Variants in COL22A1 observed in about 807,000 individuals in gnomAD.
COL22A1 encodes the protein collagen type XXII alpha 1 chain.
In COL22A1, 221 loss-of-function variants were observed where a neutral mutation model predicts 248.9. The ratio of observed to expected loss-of-function variants is 0.89; its 90% CI spans 0.80 to 0.99. COL22A1 has a LOEUF of 0.99. Among genes scored for constraint, COL22A1 ranks in the 50% least tolerant of loss-of-function variants. The pLI is 0.00. For missense variants in COL22A1, 2,240 were observed against 2,179.0 expected, an observed-to-expected ratio of 1.03 and a Z score of -0.56; for synonymous variants, 891 against 793.4, an observed-to-expected ratio of 1.12 and a Z score of -2.07.
At chr8:138,600,313 G>A (rs1166528385) in intron 60 of COL22A1, among the ~76,000 whole-genome samples, 1 of 152,186 alleles carries the variant, frequency 6.6e-6, no homozygotes, top group African/African-American at 2.4e-5. Context: ...GGGAGAAAAA[G>A]AAGAGACACC....
chr8:138,625,809 T>C (rs1329719877), intron 51 of COL22A1, among the ~76,000 whole-genome samples: 2 of 152,192 alleles, frequency 1.3e-5, no homozygotes, highest in East Asian at 3.8e-4. Flanking sequence ...ATATGGGAAA[T>C]GGAAAATGTT....
intron 12 of COL22A1, among the ~76,000 whole-genome samples, chr8:138,796,132 G>T (rs1419355569): frequency 6.6e-6 from 1 of 151,916 alleles, no homozygotes; most frequent in Admixed American, 6.6e-5. Context: ...CATTTTTAGT[G>T]GCTCTCTGCT....
At chr8:138,871,048 G>C (rs1411745902) in intron 3 of COL22A1, among the ~76,000 whole-genome samples, 1 of 152,012 alleles carries the variant, frequency 6.6e-6, no homozygotes, top group South Asian at 2.1e-4. Flanking sequence ...TGGTCACGAG[G>C]GGTGATGCCA....
intron 44 of COL22A1, among the ~76,000 whole-genome samples, chr8:138,658,675 T>G (rs1823511103): frequency 6.6e-6 from 1 of 152,212 alleles, no homozygotes; most frequent in Non-Finnish European, 1.5e-5. Context: ...TGTATCATTT[T>G]ACTGTAATAA....
Position 138,606,389 on chromosome 8 carries a change from C to T in COL22A1, c.4096G>A (p.Gly1366Arg). 6.2e-7 allele frequency: 1 copy of T among 1,612,822 alleles called. No individual in the cohort carries two copies. Among genetic ancestry groups the T allele is most frequent in the South Asian group, 1.1e-5 (1 of 90,586 alleles). ...PGLPGFLGPR[G>R]PPGEPGEKGV... ...TGGGGTTCTCTGCTTACCGGAGGCC[C>T]ACGGGGACCCAGGAAGCCAGGAAGT... The change falls in exon 58 of 65, where the codon GGG becomes AGG. Residue 1366 changes from glycine (G) to arginine (R), a missense_variant. Coordinates refer to ENST00000303045, the MANE Select transcript of COL22A1 (RefSeq NM_152888.3).
At chr8:138,841,852 T>A (rs761031965) in intron 4 of COL22A1, among the ~76,000 whole-genome samples, 2 of 152,206 alleles carry the variant, frequency 1.3e-5, no homozygotes, top group Non-Finnish European at 2.9e-5. Flanking sequence ...GCAAAAGTGC[T>A]ATGTCTGGGA....
intron 3 of COL22A1, among the ~76,000 whole-genome samples, chr8:138,869,796 G>A (rs1223987032): frequency 6.6e-6 from 1 of 152,206 alleles, no homozygotes; most frequent in Non-Finnish European, 1.5e-5. Flanking sequence ...CCAAGTGCCA[G>A]GCCACAGACC....
At chr8:138,865,877 G>A (rs561989349) in intron 3 of COL22A1, among the ~76,000 whole-genome samples, 52 of 151,740 alleles carry the variant, frequency 3.4e-4, no homozygotes, top group African/African-American at 1.3e-3. Context: ...TTGTATGCCT[G>A]TGTATGTGTA....
chr8:138,902,636 G>A (rs1214644858), intron 1 of COL22A1, among the ~76,000 whole-genome samples: 1 of 151,580 alleles, frequency 6.6e-6, no homozygotes, highest in Non-Finnish European at 1.5e-5. Context: ...AACCTGGGAG[G>A]CAGAGGTTGC....
In COL22A1 at chr8:138,636,734, A is replaced by G. The variant is rs770276791; in HGVS notation, c.3555+8T>C. On this transcript the variant is annotated splice_region_variant and intron_variant, in intron 48 of 64. Coordinates refer to ENST00000303045, the MANE Select transcript of COL22A1 (RefSeq NM_152888.3). Reference sequence around the variant, plus strand: ...GGGTGAATGGTTCCTTATAAAGTAAATTTTTACCTGATCACCTTTCTGCCC... The same window carrying G: ...GGGTGAATGGTTCCTTATAAAGTAAGTTTTTACCTGATCACCTTTCTGCCC... 2.5e-6 allele frequency: 4 copies of G among 1,610,588 alleles called. No homozygotes were observed. In the Admixed American group the frequency reaches 6.7e-5, roughly 27 times the overall value.
chr8:138,599,480 A>AAAAACAAAAC (rs533464962), intron 60 of COL22A1, among the ~76,000 whole-genome samples: 6 of 152,106 alleles, frequency 3.9e-5, no homozygotes, highest in African/African-American at 9.7e-5. Flanking sequence ...CTCTGTCTCA[A>AAAAACAAAAC]AAAACAAAAC....
chr8:138,811,762 G>A, intron 9 of COL22A1, 37 bp downstream of exon 9: 2 of 1,612,038 alleles, frequency 1.2e-6, no homozygotes, highest in Non-Finnish European at 1.7e-6. Context: ...CACCACCCAG[G>A]GTTCTGCTGG....
intron 30 of COL22A1, among the ~76,000 whole-genome samples, chr8:138,710,599 C>CTA (rs1180546864): frequency 8.1e-5 from 8 of 98,964 alleles, no homozygotes; most frequent in Admixed American, 5.8e-4. Context: ...ATCTATCTAT[C>CTA]TATCTATCTA....
At chr8:138,723,584 C>T (rs1349127902) in intron 25 of COL22A1, among the ~76,000 whole-genome samples, 1 of 152,192 alleles carries the variant, frequency 6.6e-6, no homozygotes, top group Admixed American at 6.5e-5. Context: ...TGGGATTGCT[C>T]ATGTGTTTGA....
chr8:138,850,791 C>T (rs969626423), intron 3 of COL22A1, among the ~76,000 whole-genome samples: 1 of 152,208 alleles, frequency 6.6e-6, no homozygotes, highest in African/African-American at 2.4e-5. Flanking sequence ...TGTTTCCAAA[C>T]TCAAAAACAG....
intron 10 of COL22A1, among the ~76,000 whole-genome samples, chr8:138,806,089 G>GTGT (rs1586789780): frequency 1.4e-3 from 9 of 6,426 alleles, no homozygotes; most frequent in African/African-American, 4.4e-3. Flanking sequence ...TGTGTGTAAT[G>GTGT]GTGTGTGATG....
chr8:138,853,053 G>A (rs1821759801), intron 3 of COL22A1, among the ~76,000 whole-genome samples: 1 of 152,030 alleles, frequency 6.6e-6, no homozygotes, highest in South Asian at 2.1e-4. Context: ...ATGTGTGCCT[G>A]TAGTCCCAAC....
chr8:138,602,885 G>T (rs1818145778), intron 59 of COL22A1, among the ~76,000 whole-genome samples: 1 of 152,160 alleles, frequency 6.6e-6, no homozygotes, highest in Non-Finnish European at 1.5e-5. Context: ...CTCACGCATG[G>T]GTTACTTTCC....
chr8:138,602,024 C>A, intron 60 of COL22A1, 91 bp downstream of exon 60: 2 of 1,407,774 alleles, frequency 1.4e-6, no homozygotes, highest in South Asian at 1.2e-5. Flanking sequence ...TGTTTACTAA[C>A]TGCCTTGGAC....
Sources: gnomAD v4.1 joint callset for allele counts (sites outside exome capture counted in the v4.1 genomes callset) on GRCh38, gnomAD v4.1.1 for gene constraint, MANE v1.5 for transcripts, NCBI Gene and HGNC (gene_info 2026-07-23, HGNC 2026-07-21) for gene names.